Variants in EFCAB11 observed in about 807,000 individuals in gnomAD.
EFCAB11 encodes the protein EF-hand calcium-binding domain-containing protein 11.
A neutral mutation model predicts 23.0 loss-of-function variants in EFCAB11; 14 were observed. The observed-to-expected ratio is 0.61, with a 90% CI of 0.40 to 0.95. The LOEUF (loss-of-function observed/expected upper bound fraction) is 0.95, where lower values mean the gene tolerates loss of function less well. Ranked by LOEUF, EFCAB11 falls within the 40% of genes least tolerant of loss-of-function variation. EFCAB11 has a pLI of 0.00. For missense variants in EFCAB11, 198 were observed against 195.8 expected, an observed-to-expected ratio of 1.01 and a Z score of -0.07; for synonymous variants, 65 against 66.6, an observed-to-expected ratio of 0.98 and a Z score of 0.11.
At chr14:89,824,269 T>C (rs975252541) in intron 5 of EFCAB11, among the ~76,000 whole-genome samples, 1 of 152,110 alleles carries the variant, frequency 6.6e-6, no homozygotes, top group African/African-American at 2.4e-5. Flanking sequence ...AGAATTACAA[T>C]GTTAAAGTGT....
Position 89,954,000 on chromosome 14 carries a change from A to G in EFCAB11, c.77T>C (p.Val26Ala), listed in dbSNP as rs1320629673. The part of the protein sequence containing the change: ...SPSEHRKWVE[V>A]FKACDEDHKG... ...GTGATCTTCATCACATGCTTTAAAT[A>G]CCTGAAGAACATTAAATAGCTTTAG... The change falls in exon 2 of 6, where the codon GTA becomes GCA. Residue 26 changes from valine (V) to alanine (A), a missense_variant and splice_region_variant. Physicochemically the swap from Val to Ala is moderately conservative, Grantham distance 64 (BLOSUM62 0). Transcript: ENST00000316738. 1 of 1,609,774 alleles carries G rather than the reference A, an allele frequency of 6.2e-7. No homozygotes were observed. Among genetic ancestry groups the G allele is most frequent in the East Asian group, 2.2e-5 (1 of 44,858 alleles).
At chr14:89,802,967 A>G (rs1466525681) in intron 5 of EFCAB11, among the ~76,000 whole-genome samples, 1 of 152,166 alleles carries the variant, frequency 6.6e-6, no homozygotes, top group Non-Finnish European at 1.5e-5. Flanking sequence ...TTTGGACCAG[A>G]CAATGCTCTG....
intron 5 of EFCAB11, among the ~76,000 whole-genome samples, chr14:89,898,073 T>C (rs1033319054): frequency 1.3e-5 from 2 of 152,136 alleles, no homozygotes; most frequent in African/African-American, 4.8e-5. Flanking sequence ...ACCAACTTTA[T>C]AAAAATAAAG....
At position 89,794,784 on chromosome 14, in the gene EFCAB11, T is replaced by C. The variant is rs1399808967; in HGVS notation, c.*2459A>G. Reference sequence around the variant, plus strand: ...CTTTATTTTTTAAATGAATTTTTAATTTTAGAATAGTTTTAGATTTATAGA... The same window carrying C: ...CTTTATTTTTTAAATGAATTTTTAACTTTAGAATAGTTTTAGATTTATAGA... On this transcript the variant is annotated 3_prime_UTR_variant, in exon 6 of 6. Transcript: ENST00000316738. 1.3e-5 allele frequency: 2 copies of C among 152,032 alleles called. No homozygotes were observed. Among genetic ancestry groups the C allele is most frequent in the African/African-American group, 4.8e-5 (2 of 41,426 alleles). 9.4% of individuals were successfully genotyped at this position (152,032 alleles called of 1,614,324 possible).
At chr14:89,903,221 C>T (rs998336241) in intron 5 of EFCAB11, among the ~76,000 whole-genome samples, 12 of 152,238 alleles carry the variant, frequency 7.9e-5, no homozygotes, top group African/African-American at 2.9e-4. Flanking sequence ...TTTGCTGGCA[C>T]AGTTTCAGAA....
chr14:89,922,764 C>G (rs756320529), intron 5 of EFCAB11, among the ~76,000 whole-genome samples: 4 of 152,072 alleles, frequency 2.6e-5, no homozygotes, highest in Non-Finnish European at 5.9e-5. Context: ...AGCTTCCATT[C>G]TGACACTGGA....
intron 5 of EFCAB11, among the ~76,000 whole-genome samples, chr14:89,862,037 G>C (rs1298553837): frequency 6.6e-6 from 1 of 152,142 alleles, no homozygotes; most frequent in African/African-American, 2.4e-5. Flanking sequence ...CTTCCACAGT[G>C]AATTTTAGTT....
intron 3 of EFCAB11, among the ~76,000 whole-genome samples, chr14:89,937,254 G>A (rs1890618754): frequency 6.6e-6 from 1 of 152,118 alleles, no homozygotes; most frequent in African/African-American, 2.4e-5. Flanking sequence ...TTCTTTATAT[G>A]AAAATGGAAA....
At chr14:89,851,403 AAG>A (rs1239668206) in intron 5 of EFCAB11, among the ~76,000 whole-genome samples, 2 of 152,202 alleles carry the variant, frequency 1.3e-5, no homozygotes, top group African/African-American at 4.8e-5. Flanking sequence ...AGTTCACAAA[AAG>A]AGAGAAAATT....
chr14:89,947,253 T>C (rs1891016878), intron 3 of EFCAB11, among the ~76,000 whole-genome samples: 1 of 152,154 alleles, frequency 6.6e-6, no homozygotes, highest in African/African-American at 2.4e-5. Flanking sequence ...AAAAAGGTAA[T>C]ATTTAAAAAG....
intron 5 of EFCAB11, among the ~76,000 whole-genome samples, chr14:89,849,222 C>T (rs1040559306): frequency 1.3e-5 from 2 of 152,212 alleles, no homozygotes; most frequent in Non-Finnish European, 2.9e-5. Flanking sequence ...TGTGCCCAGG[C>T]AGTACTTCAA....
chr14:89,894,052 TCA>T (rs904012721), intron 5 of EFCAB11, among the ~76,000 whole-genome samples: 2 of 152,008 alleles, frequency 1.3e-5, no homozygotes, highest in Admixed American at 6.6e-5. Context: ...CGATCTCGGC[TCA>T]CTGCAAGCTC....
chr14:89,906,412 G>C (rs1889502209), intron 5 of EFCAB11, among the ~76,000 whole-genome samples: 1 of 151,976 alleles, frequency 6.6e-6, no homozygotes. Flanking sequence ...TATAGCATTT[G>C]GGTTTGGGCG....
intron 5 of EFCAB11, among the ~76,000 whole-genome samples, chr14:89,913,697 G>A (rs756040093): frequency 1.9e-4 from 29 of 152,150 alleles, no homozygotes; most frequent in Non-Finnish European, 3.7e-4. Context: ...CAACCACGCT[G>A]AAGGCTTCTT....
chr14:89,925,733 C>A (rs1890172292), intron 5 of EFCAB11, among the ~76,000 whole-genome samples: 1 of 150,416 alleles, frequency 6.6e-6, no homozygotes. Context: ...GCAACCTCCG[C>A]CTCCCGGGTT....
intron 5 of EFCAB11, among the ~76,000 whole-genome samples, chr14:89,899,188 C>T (rs1366666987): frequency 1.3e-5 from 2 of 152,124 alleles, no homozygotes; most frequent in Admixed American, 6.6e-5. Flanking sequence ...ATGGTATAGC[C>T]TTTTCATGCA....
rs551950397 is a variant in EFCAB11, at chr14:89,816,564, C to T, written c.411-19240G>A. 2.0e-5 allele frequency among the ~76,000 whole-genome samples: 3 copies of T among 152,258 alleles called. No individual in the cohort carries two copies. In the South Asian group the frequency reaches 6.2e-4, roughly 32 times the overall value. ...AGGGAATTTTATAAAATAAAGCATACATTCCTAATCTTTAACTTCTGAAAA... is the reference window on the plus strand; with the variant it reads ...AGGGAATTTTATAAAATAAAGCATATATTCCTAATCTTTAACTTCTGAAAA... On this transcript the variant is annotated intron_variant, in intron 5 of 5. Transcript: ENST00000316738.
intron 5 of EFCAB11, among the ~76,000 whole-genome samples, chr14:89,930,829 G>A (rs186973535): frequency 1.4e-3 from 213 of 152,230 alleles, no homozygotes; most frequent in Non-Finnish European, 2.6e-3. Flanking sequence ...TGTGCTGAAC[G>A]CTAATGAATA....
At chr14:89,801,467 GA>G (rs75235240) in intron 5 of EFCAB11, among the ~76,000 whole-genome samples, 34,481 of 152,032 alleles carry the variant, frequency 0.23, 4,572 homozygotes, top group Non-Finnish European at 0.3. Context: ...AGAGAAATGA[GA>G]ACTCAGAGCC....
Sources: allele counts gnomAD v4.1 joint callset (sites outside exome capture counted in the v4.1 genomes callset), GRCh38; gene constraint gnomAD v4.1.1; transcripts MANE v1.5; gene names NCBI Gene and HGNC (gene_info 2026-07-23, HGNC 2026-07-21).